The following TSPAN18 variants were observed in gnomAD, a reference collection of about 807,000 sequenced individuals.
The protein encoded by TSPAN18 is tetraspanin 18.
Under a neutral mutation model 27.3 loss-of-function variants are expected in TSPAN18, and 14 were observed. The observed-to-expected ratio is 0.51, with a 90% CI of 0.34 to 0.80. The LOEUF (loss-of-function observed/expected upper bound fraction) is 0.80. TSPAN18 is among the 30% of genes least tolerant of loss of function. The probability of loss-of-function intolerance (pLI) is 0.01; values close to 1 mark genes in which losing one functional copy is unlikely to be tolerated. For synonymous variants in TSPAN18, 143 were observed against 136.5 expected (o/e 1.05, Z -0.33); for missense variants, 268 against 323.9 (o/e 0.83, Z 1.32).
intron 2 of TSPAN18, among the ~76,000 whole-genome samples, chr11:44,793,586 A>T (rs979330494): frequency 1.3e-5 from 2 of 152,088 alleles, no homozygotes; most frequent in Admixed American, 6.5e-5. Context: ...TAAAATGGGG[A>T]TCATAATAGA....
intron 2 of TSPAN18, among the ~76,000 whole-genome samples, chr11:44,856,777 C>T (rs759461842): frequency 1.3e-4 from 20 of 152,308 alleles, no homozygotes; most frequent in African/African-American, 3.1e-4. Flanking sequence ...ACCAGCCCCA[C>T]GCAAATTTCG....
chr11:44,870,798 C>T (rs1858173082), intron 3 of TSPAN18, among the ~76,000 whole-genome samples: 1 of 152,190 alleles, frequency 6.6e-6, no homozygotes, highest in Non-Finnish European at 1.5e-5. Context: ...CACCACATTT[C>T]AGCTGTTAAA....
At chr11:44,850,511 T>G (rs1051528087) in intron 2 of TSPAN18, among the ~76,000 whole-genome samples, 2 of 151,024 alleles carry the variant, frequency 1.3e-5, no homozygotes, top group Non-Finnish European at 3.0e-5. Context: ...CTGGCTTGGG[T>G]TTTTCCAGAA....
At chr11:44,727,396 A>T (rs1308070156) in intron 1 of TSPAN18, 109 bp downstream of exon 1, 1 of 150,718 alleles carries the variant, frequency 6.6e-6, no homozygotes, top group Non-Finnish European at 1.5e-5. Flanking sequence ...GCGGCGGGGA[A>T]TTGGGGTGGA....
At chr11:44,843,314 G>C (rs1857413632) in intron 2 of TSPAN18, among the ~76,000 whole-genome samples, 1 of 152,156 alleles carries the variant, frequency 6.6e-6, no homozygotes, top group Non-Finnish European at 1.5e-5. Context: ...TGCCCCACAA[G>C]CCACAAAAAC....
intron 2 of TSPAN18, among the ~76,000 whole-genome samples, chr11:44,790,240 T>C (rs1305263257): frequency 6.6e-6 from 1 of 151,224 alleles, no homozygotes; most frequent in Non-Finnish European, 1.5e-5. Context: ...TGTGTTTGTG[T>C]GTGCCTGTGC....
intron 2 of TSPAN18, among the ~76,000 whole-genome samples, chr11:44,819,141 T>C (rs1319543097): frequency 1.3e-5 from 2 of 152,220 alleles, no homozygotes; most frequent in African/African-American, 4.8e-5. Context: ...AGCCCCCTTC[T>C]GTCAAGGCTG....
At chr11:44,908,056 G>GGAAAAAA (rs553814406) in intron 4 of TSPAN18, among the ~76,000 whole-genome samples, 1 of 124,978 alleles carries the variant, frequency 8.0e-6, no homozygotes, top group African/African-American at 3.1e-5. Context: ...CTCCGTCTCA[G>GGAAAAAA]AAAAAAAAAA....
At chr11:44,921,023 G>A (rs1860113696) in intron 8 of TSPAN18, among the ~76,000 whole-genome samples, 1 of 152,314 alleles carries the variant, frequency 6.6e-6, no homozygotes, top group South Asian at 2.1e-4. Context: ...CTGGGTCCTG[G>A]GGCTCTGGCG....
At position 44,917,953 on chromosome 11, in the gene TSPAN18, G is replaced by C. The variant is rs775184541; in HGVS notation, c.259-19G>C. On this transcript the variant is annotated intron_variant, in intron 5 of 9. Coordinates refer to ENST00000520358, the MANE Select transcript of TSPAN18 (RefSeq NM_130783.5). The stretch of plus-strand genomic sequence containing the variant: ...CCTGCCTGCCCTCTGGGCTCACAAG[G>C]CTGTTCCTCTCCCTGCAGTTCTTCC... 10 of 1,613,854 alleles carry C rather than the reference G, an allele frequency of 6.2e-6. No homozygotes were observed. Among genetic ancestry groups the C allele is most frequent in the Admixed American group, 1.7e-5 (1 of 60,012 alleles).
rs1854532699 is a variant in TSPAN18 at position 44,727,100 on chromosome 11, C to T, written c.-427C>T. 1.4e-5 allele frequency: 2 copies of T among 144,308 alleles called. No individual in the cohort carries two copies. The highest frequency in any genetic ancestry group is 3.1e-5 in the Non-Finnish European group (2 of 64,600). 8.9% of individuals were successfully genotyped at this position (144,308 alleles called of 1,614,324 possible). On this transcript the variant is annotated 5_prime_UTR_variant, in exon 1 of 10. Coordinates refer to ENST00000520358, the MANE Select transcript of TSPAN18 (RefSeq NM_130783.5). The stretch of plus-strand genomic sequence containing the variant: ...CCGGCCCCGGCCCCGGCCCCGGCCC[C>T]GGCCCCGGTCCCGGCCCCGAGCCCC...
chr11:44,765,869 C>T (rs1268374579), intron 2 of TSPAN18, among the ~76,000 whole-genome samples: 1 of 152,122 alleles, frequency 6.6e-6, no homozygotes, highest in East Asian at 1.9e-4. Flanking sequence ...CTCATGAAAT[C>T]CCTGCAGGCC....
At chr11:44,906,266 G>A in intron 3 of TSPAN18, 141 bp from the exon 4 acceptor site, 3 of 783,246 alleles carry the variant, frequency 3.8e-6, no homozygotes, top group Non-Finnish European at 2.2e-6. Context: ...GCTCCAGCAT[G>A]CTCATCTCTA....
At chr11:44,862,542 A>C (rs1857925622) in intron 3 of TSPAN18, among the ~76,000 whole-genome samples, 1 of 152,192 alleles carries the variant, frequency 6.6e-6, no homozygotes, top group Admixed American at 6.5e-5. Context: ...TCATTTATTC[A>C]GCCAATGGCT....
In TSPAN18 at chr11:44,930,024, T is replaced by C. The variant is rs564861503; in HGVS notation, c.*846T>C. ...AGCTAAGAAAACACCATTCCATGAC[T>C]TCCCACCGCGCCCTCGCTCCTACCT... is the stretch of plus-strand genomic sequence containing the variant. On this transcript the variant is annotated 3_prime_UTR_variant, in exon 10 of 10. Transcript: ENST00000520358. The C allele has an allele frequency of 3.3e-5, 5 of 152,446 alleles. No homozygotes were observed. The East Asian group carries it at 9.7e-4, about 30-fold the overall frequency. The allele number at this position is 152,446 out of a possible 1,614,324, so 9.4% of individuals were successfully genotyped here.
chr11:44,925,018 T>TCCTGG (rs1215327005), intron 8 of TSPAN18, among the ~76,000 whole-genome samples: 7 of 152,300 alleles, frequency 4.6e-5, no homozygotes, highest in African/African-American at 9.6e-5. Flanking sequence ...CACACTGATG[T>TCCTGG]CCTGGCCTGG....
At position 44,769,580 on chromosome 11, in the gene TSPAN18, T is replaced by C. The variant is rs200369784; in HGVS notation, c.-153+5068T>C. Among the ~76,000 whole-genome samples the C allele has an allele frequency of 2.0e-5, 3 of 152,372 alleles. No homozygotes were observed. In the East Asian group the frequency reaches 5.8e-4, roughly 29 times the overall value. ...TTAGATTTCTTTAATATTAAGATTG[T>C]CAATTTCTTTTTTGTGTGTGAGCTT... On this transcript the variant is annotated intron_variant, in intron 2 of 9. Coordinates refer to ENST00000520358, the MANE Select transcript of TSPAN18 (RefSeq NM_130783.5).
intron 2 of TSPAN18, among the ~76,000 whole-genome samples, chr11:44,828,580 A>T (rs141399988): frequency 7.2e-5 from 11 of 152,228 alleles, no homozygotes; most frequent in South Asian, 2.1e-4. Flanking sequence ...CTGTGGCTTC[A>T]TCTGCCATTG....
intron 1 of TSPAN18, among the ~76,000 whole-genome samples, chr11:44,762,615 ATGTG>A (rs533032652): frequency 1.0e-3 from 157 of 149,960 alleles, no homozygotes; most frequent in African/African-American, 2.0e-3. Context: ...ATATACACAT[ATGTG>A]TGTGTGTGTG....
Sources: allele counts gnomAD v4.1 joint callset (sites outside exome capture counted in the v4.1 genomes callset), GRCh38; gene constraint gnomAD v4.1.1; transcripts MANE v1.5; gene names NCBI Gene and HGNC (gene_info 2026-07-23, HGNC 2026-07-21).